The following FARP1 variants were observed in gnomAD, a reference collection of about 807,000 sequenced individuals.
The protein encoded by FARP1 is FERM, ARH/RhoGEF and pleckstrin domain protein 1.
A neutral mutation model predicts 128.8 loss-of-function variants in FARP1; 52 were observed. The observed-to-expected ratio is 0.40, with a 90% confidence interval of 0.32 to 0.51. The LOEUF (loss-of-function observed/expected upper bound fraction) is 0.51. Among genes scored for constraint, FARP1 ranks in the 20% least tolerant of loss-of-function variants. FARP1 has a pLI of 0.45. For missense variants in FARP1, 1,333 were observed against 1,367.9 expected (o/e 0.97, Z 0.40); for synonymous variants, 580 against 551.8 (o/e 1.05, Z -0.72).
At position 98,212,298 on chromosome 13, in the gene FARP1, C is replaced by T. The variant is rs1465029311; in HGVS notation, c.-23-922C>T. On this transcript the variant is annotated intron_variant, in intron 1 of 26. Coordinates refer to ENST00000319562, the MANE Select transcript of FARP1 (RefSeq NM_005766.4). ...CTCGAACTCCTGACCTCAGGTGATTCACCCACCTTGGCCTCCGAAAGTGCT... is the reference window on the plus strand; with the variant it reads ...CTCGAACTCCTGACCTCAGGTGATTTACCCACCTTGGCCTCCGAAAGTGCT... 5.3e-5 allele frequency among the ~76,000 whole-genome samples: 8 copies of T among 152,310 alleles called. No homozygotes were observed. The East Asian group carries it at 1.4e-3, about 26-fold the overall frequency.
At chr13:98,222,794 ATTT>A (rs34198874) in intron 2 of FARP1, among the ~76,000 whole-genome samples, 4 of 124,786 alleles carry the variant, frequency 3.2e-5, no homozygotes, top group Admixed American at 8.4e-5. Flanking sequence ...TGCCCAGCTA[ATTT>A]TTTTTTTTTT....
intron 2 of FARP1, among the ~76,000 whole-genome samples, chr13:98,233,334 G>C (rs1425091876): frequency 1.3e-5 from 2 of 152,100 alleles, no homozygotes; most frequent in Non-Finnish European, 2.9e-5. Flanking sequence ...GGTTAACTAT[G>C]CCCTGAATTA....
chr13:98,332,706 A>G (rs1359419434), intron 2 of FARP1: 1 of 152,216 alleles, frequency 6.6e-6, no homozygotes, highest in Admixed American at 6.5e-5. Context: ...ATTTGAAAAA[A>G]ATGTTAAAAA....
At chr13:98,389,932 C>T (rs574471205) in intron 9 of FARP1, 25 bp from the exon 10 acceptor site, 1 of 1,611,372 alleles carries the variant, frequency 6.2e-7, no homozygotes, top group Non-Finnish European at 8.5e-7. Context: ...ATGGAAAAAA[C>T]CACCGTTGTA....
At position 98,244,274 on chromosome 13, in the gene FARP1, T is replaced by A. The variant is rs181040613; in HGVS notation, c.171+30861T>A. 9.9e-5 allele frequency among the ~76,000 whole-genome samples: 15 copies of A among 152,276 alleles called. No homozygotes were observed. In the East Asian group the frequency reaches 2.7e-3, roughly 27 times the overall value. On this transcript the variant is annotated intron_variant, in intron 2 of 26. Coordinates refer to ENST00000319562, the MANE Select transcript of FARP1 (RefSeq NM_005766.4). Reference sequence around the variant, plus strand: ...ACCCCACTTCCTAGCTTTATTGAGATATATCTGGTATATAAAAAATTGTAC... The same window carrying A: ...ACCCCACTTCCTAGCTTTATTGAGAAATATCTGGTATATAAAAAATTGTAC...
intron 16 of FARP1, among the ~76,000 whole-genome samples, chr13:98,418,487 C>T (rs1437955053): frequency 2.0e-5 from 3 of 152,164 alleles, no homozygotes; most frequent in Non-Finnish European, 4.4e-5. Flanking sequence ...GTTGGCCAGG[C>T]TGGTCTTGAA....
At chr13:98,254,945 C>T (rs4362245) in intron 2 of FARP1, among the ~76,000 whole-genome samples, 93,387 of 150,156 alleles carry the variant, frequency 0.62, 30,244 homozygotes, top group East Asian at 0.89. Flanking sequence ...GCATCTTCCT[C>T]TTTTTTTTTT....
chr13:98,268,612 C>T (rs542420891), intron 2 of FARP1, among the ~76,000 whole-genome samples: 4 of 152,090 alleles, frequency 2.6e-5, no homozygotes, highest in Middle Eastern at 3.2e-3. Context: ...GGATTACAGG[C>T]GCCCACCAAC....
intron 1 of FARP1, among the ~76,000 whole-genome samples, chr13:98,170,245 G>A (rs1345936401): frequency 6.6e-5 from 10 of 152,094 alleles, no homozygotes; most frequent in Admixed American, 6.5e-5. Context: ...GTGCAGTGGC[G>A]CGATCTCAGA....
At chr13:98,217,487 C>G (rs1881145018) in intron 2 of FARP1, among the ~76,000 whole-genome samples, 1 of 152,196 alleles carries the variant, frequency 6.6e-6, no homozygotes, top group Non-Finnish European at 1.5e-5. Context: ...TTGTAACTTT[C>G]TCGTGTTGCT....
intron 2 of FARP1, among the ~76,000 whole-genome samples, chr13:98,327,290 T>G (rs1887275759): frequency 6.6e-6 from 1 of 152,228 alleles, no homozygotes; most frequent in Admixed American, 6.5e-5. Context: ...AGTTTATAAT[T>G]TCACAGGATT....
intron 2 of FARP1, among the ~76,000 whole-genome samples, chr13:98,322,661 G>C (rs1887050913): frequency 6.6e-6 from 1 of 152,216 alleles, no homozygotes; most frequent in Non-Finnish European, 1.5e-5. Flanking sequence ...TGTGTGATAG[G>C]AAGAAGGCAC....
intron 2 of FARP1, among the ~76,000 whole-genome samples, chr13:98,289,755 C>T (rs1278920855): frequency 6.6e-6 from 1 of 152,110 alleles, no homozygotes; most frequent in Non-Finnish European, 1.5e-5. Flanking sequence ...TGGGTTAAGT[C>T]ACTTAGTGTA....
intron 1 of FARP1, among the ~76,000 whole-genome samples, chr13:98,144,007 C>G (rs192729918): frequency 6.6e-6 from 1 of 152,166 alleles, no homozygotes; most frequent in East Asian, 1.9e-4. Context: ...GAGGAACACA[C>G]CCTCTGCCCA....
intron 2 of FARP1, among the ~76,000 whole-genome samples, chr13:98,309,107 G>A (rs559650159): frequency 1.2e-3 from 177 of 146,686 alleles, no homozygotes; most frequent in African/African-American, 4.4e-3. Context: ...TAATATTTTG[G>A]ACCTATTAGA....
At chr13:98,243,678 CAG>C (rs1172005552) in intron 2 of FARP1, among the ~76,000 whole-genome samples, 1 of 123,728 alleles carries the variant, frequency 8.1e-6, no homozygotes, top group African/African-American at 3.3e-5. Context: ...GCCTGGGCGA[CAG>C]AGAGAGACTC....
chr13:98,177,194 CTGCTTGGTCGGCCG>C, intron 1 of FARP1: 1 of 1,582,250 alleles, frequency 6.3e-7, no homozygotes, highest in Non-Finnish European at 8.6e-7. Context: ...CATACCTGGT[CTGCTTGGTCGGCCG>C]TCCTTCCTGG....
chr13:98,344,964 A>G (rs1888120074), intron 3 of FARP1, among the ~76,000 whole-genome samples: 1 of 152,194 alleles, frequency 6.6e-6, no homozygotes, highest in Non-Finnish European at 1.5e-5. Context: ...TTTTGTGCCT[A>G]CACTGTGTCT....
At chr13:98,241,544 C>T (rs1173634424) in intron 2 of FARP1, among the ~76,000 whole-genome samples, 1 of 152,110 alleles carries the variant, frequency 6.6e-6, no homozygotes, top group African/African-American at 2.4e-5. Context: ...CTTTGGGAGG[C>T]CCAGGCAGCA....
Sources: gnomAD v4.1 joint callset for allele counts (sites outside exome capture counted in the v4.1 genomes callset) on GRCh38, gnomAD v4.1.1 for gene constraint, MANE v1.5 for transcripts, NCBI Gene and HGNC (gene_info 2026-07-23, HGNC 2026-07-21) for gene names.